Variants in GBE1 observed in about 807,000 individuals in gnomAD.
GBE1 encodes 1,4-alpha-glucan-branching enzyme.
GBE1 carries 70 observed loss-of-function variants against 88.8 expected under a neutral mutation model. That is an observed-to-expected ratio of 0.79 (90% confidence interval 0.65 to 0.96). GBE1 has a LOEUF of 0.96. Ranked by LOEUF, GBE1 falls within the 40% of genes least tolerant of loss-of-function variation. The pLI is 0.00. For missense variants in GBE1, 872 were observed against 871.0 expected (o/e 1.00, Z -0.01); for synonymous variants, 284 against 300.1 (o/e 0.95, Z 0.56).
chr3:81,737,475 A>G (rs929927181), intron 1 of GBE1, among the ~76,000 whole-genome samples: 8 of 147,038 alleles, frequency 5.4e-5, no homozygotes, highest in African/African-American at 2.0e-4. Flanking sequence ...TCATATTGAT[A>G]TTTAAAGCAA....
chr3:81,611,574 C>A (rs967717223), intron 7 of GBE1, among the ~76,000 whole-genome samples: 1 of 152,016 alleles, frequency 6.6e-6, no homozygotes, highest in African/African-American at 2.4e-5. Flanking sequence ...ATGGAGAGAC[C>A]CGTCCAAATA....
intron 1 of GBE1, among the ~76,000 whole-genome samples, chr3:81,710,150 TTCAAGTTAAATC>T: frequency 6.6e-6 from 1 of 151,924 alleles, no homozygotes; most frequent in Middle Eastern, 3.5e-3. Flanking sequence ...AAAGGTAGAT[TTCAAGTTAAATC>T]TCAAATTAAA....
chr3:81,687,425 A>AT (rs1219331640), intron 2 of GBE1, among the ~76,000 whole-genome samples: 1 of 152,206 alleles, frequency 6.6e-6, no homozygotes, highest in Non-Finnish European at 1.5e-5. Context: ...ATATAGAGAT[A>AT]TTTTTAAGAA....
chr3:81,499,082 C>T, intron 15 of GBE1, 28 bp downstream of exon 15: 1 of 1,125,532 alleles, frequency 8.9e-7, no homozygotes, highest in Non-Finnish European at 1.3e-6. Context: ...ATTAAAATAG[C>T]AGGAAATATG....
Position 81,591,134 on chromosome 3 carries a change from T to C in GBE1, c.1139A>G (p.Tyr380Cys). The C allele has an allele frequency of 1.2e-6, 2 of 1,605,990 alleles. No individual in the cohort carries two copies. The highest frequency in any genetic ancestry group is 1.7e-6 in the Non-Finnish European group (2 of 1,175,424). ...ATCTTCATCTACTTGTAGTCCGAAA[T>C]ATTCACTGTAATCACCTGAGAAACC... ...GQGFSGDYSE[Y>C]FGLQVDEDAL... is the part of the protein sequence containing the mutation. Residue 380 changes from tyrosine to cysteine, a missense_variant, in exon 9 of 16, where the codon TAT (tyrosine) becomes TGT (cysteine). Tyr to Cys is a radical substitution (Grantham distance 194). Transcript: ENST00000429644.
intron 1 of GBE1, among the ~76,000 whole-genome samples, chr3:81,757,536 A>G (rs1037839857): frequency 1.3e-5 from 2 of 152,182 alleles, no homozygotes; most frequent in Non-Finnish European, 2.9e-5. Flanking sequence ...CTAGGATGGC[A>G]GCAGTAGGAA....
At chr3:81,506,774 T>C (rs1702659834) in intron 14 of GBE1, among the ~76,000 whole-genome samples, 1 of 152,158 alleles carries the variant, frequency 6.6e-6, no homozygotes, top group South Asian at 2.1e-4. Context: ...TGCAGGGACA[T>C]GAATGGAGCT....
chr3:81,682,486 A>T (rs1017695336), intron 2 of GBE1, among the ~76,000 whole-genome samples: 2 of 151,974 alleles, frequency 1.3e-5, no homozygotes, highest in Non-Finnish European at 2.9e-5. Flanking sequence ...AAATAAATAA[A>T]AATAAAAATA....
chr3:81,600,290 G>A (rs1272453445), intron 7 of GBE1, among the ~76,000 whole-genome samples: 1 of 146,970 alleles, frequency 6.8e-6, no homozygotes, highest in African/African-American at 2.6e-5. Context: ...ATAAATAAAT[G>A]ACTAAATAAG....
At chr3:81,568,784 G>A (rs1374262793) in intron 12 of GBE1, among the ~76,000 whole-genome samples, 2 of 151,024 alleles carry the variant, frequency 1.3e-5, no homozygotes, top group Non-Finnish European at 3.0e-5. Context: ...GTGTGTGTGT[G>A]TATATATATA....
chr3:81,670,781 C>T, intron 3 of GBE1, 57 bp downstream of exon 3: 1 of 927,266 alleles, frequency 1.1e-6, no homozygotes, highest in Non-Finnish European at 1.6e-6. Flanking sequence ...TCAAACTTGG[C>T]AAACAAGATA....
chr3:81,589,159 A>AT (rs1404120198), intron 9 of GBE1, among the ~76,000 whole-genome samples: 1 of 152,082 alleles, frequency 6.6e-6, no homozygotes, highest in Non-Finnish European at 1.5e-5. Context: ...AATAGTTCTA[A>AT]TTTTTTACTA....
At chr3:81,648,565 T>C (rs1320963690) in intron 5 of GBE1, among the ~76,000 whole-genome samples, 2 of 152,078 alleles carry the variant, frequency 1.3e-5, no homozygotes, top group Non-Finnish European at 1.5e-5. Flanking sequence ...TTTCCTCCAG[T>C]AAAAAAGTAA....
At chr3:81,709,669 C>T (rs1269350863) in intron 1 of GBE1, among the ~76,000 whole-genome samples, 3 of 152,040 alleles carry the variant, frequency 2.0e-5, no homozygotes, top group East Asian at 3.8e-4. Flanking sequence ...TATTTTCAAA[C>T]GTCCCATTTA....
At chr3:81,660,232 C>T (rs3772907) in intron 3 of GBE1, among the ~76,000 whole-genome samples, 12,929 of 151,960 alleles carry the variant, frequency 0.085, 1,143 homozygotes, top group African/African-American at 0.22. Context: ...ATTGGAGTGA[C>T]CTTTGGATAA....
chr3:81,730,195 G>T (rs1193104004), intron 1 of GBE1, among the ~76,000 whole-genome samples: 1 of 152,092 alleles, frequency 6.6e-6, no homozygotes. Context: ...CCATCACCCA[G>T]AAACAGATGG....
At chr3:81,500,967 T>G (rs1387391446) in intron 14 of GBE1, among the ~76,000 whole-genome samples, 2 of 152,054 alleles carry the variant, frequency 1.3e-5, no homozygotes, top group African/African-American at 4.8e-5. Context: ...GGTAGAAGGC[T>G]GGGGGAGGGT....
chr3:81,641,243 C>A (rs1704674017), intron 7 of GBE1, among the ~76,000 whole-genome samples: 2 of 152,026 alleles, frequency 1.3e-5, no homozygotes, highest in Admixed American at 6.6e-5. Flanking sequence ...ATAGAGTCAA[C>A]CCTCCTTCAT....
chr3:81,653,051 T>C (rs1201859485), intron 3 of GBE1, among the ~76,000 whole-genome samples: 1 of 152,176 alleles, frequency 6.6e-6, no homozygotes, highest in East Asian at 1.9e-4. Flanking sequence ...TGGTAGCTAA[T>C]GTTTAAAAGA....
Sources: gnomAD v4.1 joint callset for allele counts (sites outside exome capture counted in the v4.1 genomes callset) on GRCh38, gnomAD v4.1.1 for gene constraint, MANE v1.5 for transcripts, NCBI Gene and HGNC (gene_info 2026-07-23, HGNC 2026-07-21) for gene names.